MTUS2: variants seen among roughly 807,000 people sequenced by gnomAD.
MTUS2 encodes microtubule associated scaffold protein 2.
In MTUS2, 40 loss-of-function variants were observed where a neutral mutation model predicts 114.1. That is an observed-to-expected ratio of 0.35 (90% confidence interval 0.27 to 0.46). MTUS2 has a LOEUF of 0.46. MTUS2 is among the 20% of genes least tolerant of loss of function. MTUS2 has a pLI of 1.00. For missense variants in MTUS2, 1,679 were observed against 1,705.4 expected (o/e 0.98, Z 0.27); for synonymous variants, 688 against 672.0 (o/e 1.02, Z -0.37).
intron 5 of MTUS2, among the ~76,000 whole-genome samples, chr13:29,142,901 G>C (rs192887741): frequency 2.6e-4 from 39 of 152,304 alleles, no homozygotes; most frequent in Non-Finnish European, 2.8e-4. Flanking sequence ...AAGCAAGGCA[G>C]CATGTACAAA....
chr13:29,254,582 T>C (rs1897235027), intron 5 of MTUS2, among the ~76,000 whole-genome samples: 2 of 152,250 alleles, frequency 1.3e-5, no homozygotes, highest in South Asian at 2.1e-4. Context: ...TCTCTGTGTT[T>C]CATTTGCATA....
intron 8 of MTUS2, chr13:29,428,819 C>T (rs780548231): frequency 7.4e-6 from 12 of 1,613,592 alleles, no homozygotes; most frequent in Admixed American, 1.7e-5. Context: ...TGAAGGAGGT[C>T]CCCTTGCCAG....
At chr13:29,304,378 CTGTTTTCA>C (rs1899344342) in intron 6 of MTUS2, among the ~76,000 whole-genome samples, 1 of 141,560 alleles carries the variant, frequency 7.1e-6, no homozygotes, top group Non-Finnish European at 1.5e-5. Context: ...CATCAGTATG[CTGTTTTCA>C]AGAGACCCAT....
At chr13:28,965,690 C>T (rs1883549964) in intron 2 of MTUS2, among the ~76,000 whole-genome samples, 1 of 152,114 alleles carries the variant, frequency 6.6e-6, no homozygotes, top group South Asian at 2.1e-4. Flanking sequence ...CTAGCAAGTT[C>T]AAAACCTGCA....
At chr13:28,995,960 T>C (rs1263411360) in intron 2 of MTUS2, among the ~76,000 whole-genome samples, 1 of 152,210 alleles carries the variant, frequency 6.6e-6, no homozygotes, top group Non-Finnish European at 1.5e-5. Flanking sequence ...ACAGAGGGGA[T>C]CCCTGTCTTT....
intron 7 of MTUS2, among the ~76,000 whole-genome samples, chr13:29,337,494 C>T (rs539219110): frequency 6.6e-6 from 1 of 152,216 alleles, no homozygotes; most frequent in South Asian, 2.1e-4. Context: ...TAACCAGTCC[C>T]AATGAGATGA....
chr13:29,160,809 G>A (rs953657742), intron 5 of MTUS2, among the ~76,000 whole-genome samples: 2 of 151,846 alleles, frequency 1.3e-5, no homozygotes, highest in Admixed American at 6.6e-5. Flanking sequence ...TTTCAACCAC[G>A]TTGGGGTTGG....
chr13:29,006,420 C>T (rs1885602942), intron 2 of MTUS2, among the ~76,000 whole-genome samples: 2 of 152,158 alleles, frequency 1.3e-5, no homozygotes, highest in African/African-American at 4.8e-5. Flanking sequence ...AGTAACCCCC[C>T]TATGGAATAA....
At chr13:29,076,568 C>T (rs1889201781) in intron 4 of MTUS2, among the ~76,000 whole-genome samples, 1 of 152,164 alleles carries the variant, frequency 6.6e-6, no homozygotes, top group African/African-American at 2.4e-5. Flanking sequence ...ACTCACATGG[C>T]TGACGAGTTG....
rs376534579 is a variant in MTUS2 at position 29,491,553 on chromosome 13, G to A, written c.3506-1093G>A. Among the ~76,000 whole-genome samples, 219 of 123,932 alleles carry A rather than the reference G, an allele frequency of 1.8e-3. No individual in the cohort carries two copies. The Middle Eastern group carries it at 0.022, about 12-fold the overall frequency. 81.3% of individuals were successfully genotyped at this position (123,932 alleles called of 152,430 possible). On this transcript the variant is annotated intron_variant, in intron 11 of 15. Transcript: ENST00000612955. ...GTGGTATGTGTGGGGGTGTGTGTGT[G>A]GTATATGTATGTGGGGGAGTGTGTG... is the stretch of plus-strand genomic sequence containing the variant.
At chr13:29,090,859 C>A (rs920767205) in intron 4 of MTUS2, among the ~76,000 whole-genome samples, 4 of 152,198 alleles carry the variant, frequency 2.6e-5, no homozygotes, top group Admixed American at 2.6e-4. Context: ...CCCTTTGGGA[C>A]CCATGCAGAC....
intron 2 of MTUS2, among the ~76,000 whole-genome samples, chr13:28,982,102 A>G (rs1340826496): frequency 6.6e-6 from 1 of 152,164 alleles, no homozygotes; most frequent in Non-Finnish European, 1.5e-5. Context: ...TGGACCAAGT[A>G]AAAAGAATGT....
In MTUS2 at chr13:29,024,571, C is replaced by T. The variant is rs1027400444; in HGVS notation, c.-128C>T. The T allele has an allele frequency of 2.5e-5, 28 of 1,125,350 alleles. No individual in the cohort carries two copies. Among genetic ancestry groups the T allele is most frequent in the East Asian group, 9.5e-5 (4 of 41,950 alleles). 69.7% of individuals were successfully genotyped at this position (1,125,350 alleles called of 1,614,324 possible). A position where few individuals can be genotyped will look rare whatever the true frequency, so the allele number is the denominator to read the frequency against. On this transcript the variant is annotated 5_prime_UTR_variant, in exon 3 of 16. Coordinates refer to ENST00000612955, the MANE Select transcript of MTUS2 (RefSeq NM_001033602.4). ...GTTCTGAGAATGATTAAAGCAGTGT[C>T]GCAAGGTGACATTGTCAGGGGAGAA...
intron 7 of MTUS2, among the ~76,000 whole-genome samples, chr13:29,329,514 C>T (rs1900674978): frequency 6.6e-6 from 1 of 151,990 alleles, no homozygotes; most frequent in Admixed American, 6.6e-5. Context: ...GTATATGTCT[C>T]ACATTTTCTT....
intron 5 of MTUS2, among the ~76,000 whole-genome samples, chr13:29,214,424 A>G (rs887511360): frequency 1.3e-5 from 2 of 152,154 alleles, no homozygotes; most frequent in African/African-American, 4.8e-5. Flanking sequence ...GTTATTTTGC[A>G]CATTAATTGA....
intron 2 of MTUS2, among the ~76,000 whole-genome samples, chr13:28,989,413 GAC>G (rs1884723813): frequency 6.6e-6 from 1 of 152,232 alleles, no homozygotes; most frequent in Non-Finnish European, 1.5e-5. Flanking sequence ...ATACAGCTAA[GAC>G]ACTGAATACA....
At chr13:29,444,495 G>A (rs891678086) in intron 9 of MTUS2, among the ~76,000 whole-genome samples, 1 of 152,234 alleles carries the variant, frequency 6.6e-6, no homozygotes, top group Admixed American at 6.5e-5. Flanking sequence ...TGTGTTCACA[G>A]GCCTGATGCA....
intron 5 of MTUS2, chr13:29,250,365 G>A (rs1897080356): frequency 1.3e-5 from 2 of 152,002 alleles, no homozygotes; most frequent in African/African-American, 4.8e-5. Context: ...AATGGCCTCA[G>A]AACAGTGCTA....
intron 8 of MTUS2, among the ~76,000 whole-genome samples, chr13:29,394,030 T>C (rs1216690660): frequency 1.3e-5 from 2 of 152,188 alleles, no homozygotes; most frequent in Admixed American, 1.3e-4. Flanking sequence ...CTTTTCCCTT[T>C]AGCTTAGTGA....
Sources: allele counts gnomAD v4.1 joint callset (sites outside exome capture counted in the v4.1 genomes callset), GRCh38; gene constraint gnomAD v4.1.1; transcripts MANE v1.5; gene names NCBI Gene and HGNC (gene_info 2026-07-23, HGNC 2026-07-21).